The following UBR3 variants were observed in gnomAD, a reference collection of about 807,000 sequenced individuals.
UBR3 encodes E3 ubiquitin-protein ligase UBR3.
In UBR3, 85 loss-of-function variants were observed where a neutral mutation model predicts 243.2. The ratio of observed to expected loss-of-function variants is 0.35; its 90% confidence interval spans 0.29 to 0.42. The LOEUF (loss-of-function observed/expected upper bound fraction) is 0.42. Ranked by LOEUF, UBR3 falls within the 10% of genes least tolerant of loss-of-function variation. The pLI, the probability that UBR3 is intolerant of heterozygous loss-of-function variation, is 1.00. For synonymous variants in UBR3, 748 were observed against 799.8 expected, an observed-to-expected ratio of 0.94 and a Z score of 1.09; for missense variants, 1,686 against 2,300.8, an observed-to-expected ratio of 0.73 and a Z score of 5.47.
intron 11 of UBR3, among the ~76,000 whole-genome samples, chr2:169,920,190 A>T (rs534380464): frequency 6.6e-6 from 1 of 152,240 alleles, no homozygotes; most frequent in South Asian, 2.1e-4. Flanking sequence ...GCTAGAAACC[A>T]TCATTCTCAG....
intron 6 of UBR3, among the ~76,000 whole-genome samples, chr2:169,894,101 A>C (rs533878219): frequency 8.3e-4 from 126 of 152,112 alleles, no homozygotes; most frequent in Admixed American, 2.4e-3. Flanking sequence ...ATAATTACTT[A>C]ATTGCTAATA....
chr2:169,983,386 G>T (rs1037090143), intron 24 of UBR3, among the ~76,000 whole-genome samples: 27 of 150,738 alleles, frequency 1.8e-4, no homozygotes, highest in Admixed American at 4.7e-4. Context: ...TCAGCCTCCT[G>T]AGTAGCTGGG....
intron 5 of UBR3, 85 bp downstream of exon 5, chr2:169,878,659 T>TCTGAAA: frequency 8.3e-7 from 1 of 1,209,168 alleles, no homozygotes. Flanking sequence ...TCTTTATAGT[T>TCTGAAA]CTGAAACTGT....
chr2:170,031,235 G>A (rs1159216746), intron 31 of UBR3, among the ~76,000 whole-genome samples: 1 of 152,090 alleles, frequency 6.6e-6, no homozygotes, highest in Admixed American at 6.6e-5. Context: ...GCGCACCACT[G>A]CACCCAGCTT....
chr2:170,007,757 G>A (rs546511972), intron 28 of UBR3, among the ~76,000 whole-genome samples: 6 of 152,254 alleles, frequency 3.9e-5, no homozygotes, highest in Non-Finnish European at 7.4e-5. Context: ...CCAGCTACAC[G>A]GGAGGCTGAG....
chr2:169,999,428 G>A (rs2089612348), intron 26 of UBR3, among the ~76,000 whole-genome samples: 1 of 152,188 alleles, frequency 6.6e-6, no homozygotes, highest in Admixed American at 6.5e-5. Context: ...TACTCGTGAA[G>A]AGTCTTCATT....
At chr2:169,885,080 G>A (rs2084037066) in intron 5 of UBR3, among the ~76,000 whole-genome samples, 1 of 152,106 alleles carries the variant, frequency 6.6e-6, no homozygotes. Context: ...ATTTGCTTTA[G>A]TATTTATATT....
At chr2:169,918,680 G>A (rs977168406) in intron 11 of UBR3, among the ~76,000 whole-genome samples, 1 of 151,848 alleles carries the variant, frequency 6.6e-6, no homozygotes, top group African/African-American at 2.4e-5. Context: ...AACAGGAGAT[G>A]GAATACATTT....
chr2:169,832,332 C>T lies in UBR3; in HGVS notation c.545+4280C>T, dbSNP rs1388710199. ...TTGGGAGGCCGAGGTGGGCAGATCA[C>T]GAAGTCAGGAGATTGAGATCATCCT... On this transcript the variant is annotated intron_variant, in intron 1 of 38. Coordinates refer to ENST00000272793, the MANE Select transcript of UBR3 (RefSeq NM_172070.4). Among the ~76,000 whole-genome samples, 9 of 151,984 alleles carry T rather than the reference C, an allele frequency of 5.9e-5. No individual in the cohort carries two copies. In the East Asian group the frequency reaches 1.6e-3, roughly 26 times the overall value.
chr2:169,936,301 C>T (rs1356868580), intron 19 of UBR3, among the ~76,000 whole-genome samples: 4 of 152,042 alleles, frequency 2.6e-5, no homozygotes, highest in African/African-American at 7.2e-5. Flanking sequence ...TCAGGTGATC[C>T]GCCCACCTTG....
At chr2:170,052,608 C>T (rs1271086431) in intron 32 of UBR3, among the ~76,000 whole-genome samples, 1 of 152,162 alleles carries the variant, frequency 6.6e-6, no homozygotes, top group African/African-American at 2.4e-5. Flanking sequence ...AAGAGAAATA[C>T]TGCATGATCT....
chr2:169,935,219 G>A (rs2883388), intron 19 of UBR3, among the ~76,000 whole-genome samples: 105,943 of 152,010 alleles, frequency 0.7, 38,089 homozygotes, highest in East Asian at 0.88. Context: ...AGGCTGGAGT[G>A]CAGTGGCGTG....
intron 26 of UBR3, among the ~76,000 whole-genome samples, chr2:169,997,294 C>T (rs1403814506): frequency 6.6e-6 from 1 of 152,152 alleles, no homozygotes; most frequent in Non-Finnish European, 1.5e-5. Flanking sequence ...ACTCGCTCCC[C>T]AGCCTGGATC....
chr2:169,951,621 T>TA (rs575155459), intron 23 of UBR3, among the ~76,000 whole-genome samples: 1 of 152,106 alleles, frequency 6.6e-6, no homozygotes, highest in Non-Finnish European at 1.5e-5. Flanking sequence ...GCACAGGGTA[T>TA]AAATGGTTAC....
intron 27 of UBR3, among the ~76,000 whole-genome samples, chr2:170,005,531 G>A (rs953963085): frequency 1.3e-5 from 2 of 152,136 alleles, no homozygotes; most frequent in African/African-American, 4.8e-5. Flanking sequence ...TGTGCAGATA[G>A]GATAAGAAAA....
intron 24 of UBR3, among the ~76,000 whole-genome samples, chr2:169,978,416 C>T (rs1408247127): frequency 6.6e-6 from 1 of 152,018 alleles, no homozygotes; most frequent in Non-Finnish European, 1.5e-5. Context: ...TCTGAGGCAC[C>T]TTCTAGCAGC....
At chr2:169,961,482 T>C (rs1041681488) in intron 24 of UBR3, among the ~76,000 whole-genome samples, 1 of 152,156 alleles carries the variant, frequency 6.6e-6, no homozygotes, top group African/African-American at 2.4e-5. Context: ...CATGCCTGGT[T>C]CAGATCTTAA....
At chr2:170,049,660 T>C (rs1574450804) in intron 32 of UBR3, among the ~76,000 whole-genome samples, 1 of 152,358 alleles carries the variant, frequency 6.6e-6, no homozygotes, top group East Asian at 1.9e-4. Context: ...GATGGTCCTT[T>C]ACCTTGTGTT....
chr2:169,942,554 C>G lies in UBR3; in HGVS notation c.2725C>G (p.Leu909Val). 6 of 1,550,608 alleles carry G rather than the reference C, an allele frequency of 3.9e-6. No individual in the cohort carries two copies. Among genetic ancestry groups the G allele is most frequent in the Non-Finnish European group, 5.2e-6 (6 of 1,146,686 alleles). The change falls in exon 20 of 39, where the codon CTC becomes GTC. Residue 909 changes from leucine to valine, a missense_variant. By Grantham distance (32) the Leu-to-Val change is conservative. Transcript: ENST00000272793. ...GCCTCCATATAAGAAAAGGACATCA[C>G]TCCATCCTAGCTATAAAGGTCTTAT... ...PWPPYKKRTS[L>V]HPSYKGLMRL...
Sources: allele counts gnomAD v4.1 joint callset (sites outside exome capture counted in the v4.1 genomes callset), GRCh38; gene constraint gnomAD v4.1.1; transcripts MANE v1.5; gene names NCBI Gene and HGNC (gene_info 2026-07-23, HGNC 2026-07-21).